The following UACA variants were observed in gnomAD, a reference collection of about 807,000 sequenced individuals.
UACA encodes nuclear membrane binding protein.
A neutral mutation model predicts 160.5 loss-of-function variants in UACA; 112 were observed. That is an observed-to-expected ratio of 0.70 (90% CI 0.60 to 0.82). The LOEUF (loss-of-function observed/expected upper bound fraction) is 0.82. UACA is among the 40% of genes least tolerant of loss of function. UACA has a pLI of 0.00. For synonymous variants in UACA, 557 were observed against 568.4 expected (o/e 0.98, Z 0.29); for missense variants, 1,574 against 1,614.6 (o/e 0.97, Z 0.43).
chr15:70,777,291 A>T, the UACA span, among the ~76,000 whole-genome samples: 1 of 152,190 alleles, frequency 6.6e-6, no homozygotes, highest in Non-Finnish European at 1.5e-5. Flanking sequence ...GTTTATTATG[A>T]GATGTCTATT....
the UACA span, among the ~76,000 whole-genome samples, chr15:70,775,819 A>G: frequency 0.18 from 27,540 of 152,144 alleles, 3,795 homozygotes; most frequent in African/African-American, 0.39. Flanking sequence ...AGAAGTTGGT[A>G]TTGATTTATT....
intron 1 of UACA, among the ~76,000 whole-genome samples, chr15:70,743,895 T>C (rs1427280478): frequency 6.6e-6 from 1 of 151,936 alleles, no homozygotes; most frequent in Admixed American, 6.6e-5. Context: ...AAAAGGTAAA[T>C]AGGCCAAATG....
chr15:70,739,353 A>G lies in UACA; in HGVS notation c.78+23977T>C, dbSNP rs554025411. Among the ~76,000 whole-genome samples, 3 of 152,252 alleles carry G rather than the reference A, an allele frequency of 2.0e-5. No homozygotes were observed. In the East Asian group the frequency reaches 5.8e-4, roughly 29 times the overall value. On this transcript the variant is annotated intron_variant, in intron 1 of 18. Coordinates refer to ENST00000322954, the MANE Select transcript of UACA (RefSeq NM_018003.4). ...AATACCCATGGCACCTCCCCACTAG[A>G]TACTAGCAATACTCCTCAAGCTTAA...
intron 1 of UACA, among the ~76,000 whole-genome samples, chr15:70,701,048 AAATG>A (rs1278457945): frequency 2.0e-5 from 3 of 152,188 alleles, no homozygotes; most frequent in Non-Finnish European, 2.9e-5. Context: ...TTGATGTAGA[AAATG>A]AATATGAAAA....
intron 1 of UACA, among the ~76,000 whole-genome samples, chr15:70,726,200 G>C (rs2140992102): frequency 6.6e-6 from 1 of 152,064 alleles, no homozygotes; most frequent in Admixed American, 6.6e-5. Flanking sequence ...ATACATCAGT[G>C]AACTTTCAGG....
At chr15:70,735,046 T>C (rs1242532542) in intron 1 of UACA, among the ~76,000 whole-genome samples, 4 of 25,080 alleles carry the variant, frequency 1.6e-4, no homozygotes, top group Non-Finnish European at 2.9e-4. Context: ...TACCTAATGC[T>C]AGATGACACA....
At chr15:70,672,964 C>A (rs957391819) in intron 13 of UACA, among the ~76,000 whole-genome samples, 7 of 152,010 alleles carry the variant, frequency 4.6e-5, no homozygotes, top group Non-Finnish European at 1.0e-4. Context: ...GGTGTGGTGG[C>A]GGGCACCTGT....
intron 1 of UACA, among the ~76,000 whole-genome samples, chr15:70,738,300 T>C (rs532623684): frequency 6.6e-6 from 1 of 151,876 alleles, no homozygotes; most frequent in South Asian, 2.1e-4. Context: ...CCCCTACAGT[T>C]TATTCTCCAC....
At chr15:70,715,406 TA>T (rs1898794093) in intron 1 of UACA, among the ~76,000 whole-genome samples, 1 of 152,206 alleles carries the variant, frequency 6.6e-6, no homozygotes, top group African/African-American at 2.4e-5. Flanking sequence ...AAACAAAAGA[TA>T]TTTTTGTACC....
intron 18 of UACA, among the ~76,000 whole-genome samples, chr15:70,657,341 T>C (rs1267437098): frequency 6.6e-6 from 1 of 152,208 alleles, no homozygotes; most frequent in Non-Finnish European, 1.5e-5. Flanking sequence ...CCGGGCGTGG[T>C]GGCTCACGCC....
Position 70,669,458 on chromosome 15 carries a change from G to A in UACA, c.1226C>T (p.Thr409Ile). The A allele has an allele frequency of 6.5e-7, 1 of 1,537,532 alleles. No individual in the cohort carries two copies. Among genetic ancestry groups the A allele is most frequent in the Non-Finnish European group, 8.7e-7 (1 of 1,147,356 alleles). The change falls in exon 16 of 19, where the codon ACT (threonine) becomes ATT (isoleucine). Residue 409 changes from threonine (T) to isoleucine (I), a missense_variant. Transcript: ENST00000322954. Reference sequence around the variant, plus strand: ...CATATGGGCTGGTATACCTGGGGAAGTACACTGAAAAGAAAAAAAAAAAGA... The same window carrying A: ...CATATGGGCTGGTATACCTGGGGAAATACACTGAAAAGAAAAAAAAAAAGA... Reference protein sequence around the residue: ...GQMYMADSQCTSPGIPAHMQS... With the variant: ...GQMYMADSQCISPGIPAHMQS...
intron 14 of UACA, chr15:70,671,687 G>T (rs1047733287): frequency 8.2e-6 from 2 of 243,236 alleles, no homozygotes; most frequent in Non-Finnish European, 7.8e-6. Flanking sequence ...CAAGACAAAT[G>T]TCTATGTCTA....
chr15:70,719,468 C>A (rs1256833131), intron 1 of UACA, among the ~76,000 whole-genome samples: 2 of 152,172 alleles, frequency 1.3e-5, no homozygotes, highest in African/African-American at 4.8e-5. Context: ...CTCAAGATAC[C>A]TGTACTGAAA....
At chr15:70,674,352 G>A (rs965082436) in intron 13 of UACA, among the ~76,000 whole-genome samples, 2 of 152,154 alleles carry the variant, frequency 1.3e-5, no homozygotes, top group Non-Finnish European at 2.9e-5. Context: ...TGTACTATAT[G>A]ATCCCACCTG....
chr15:70,672,357 A>G (rs1053680703), intron 13 of UACA, among the ~76,000 whole-genome samples: 1 of 152,208 alleles, frequency 6.6e-6, no homozygotes, highest in African/African-American at 2.4e-5. Flanking sequence ...GGCCACATTC[A>G]TGTCAATAAC....
intron 1 of UACA, among the ~76,000 whole-genome samples, chr15:70,727,927 G>A (rs1032296595): frequency 3.9e-5 from 6 of 152,166 alleles, no homozygotes; most frequent in South Asian, 2.1e-4. Flanking sequence ...TCACAGAGCA[G>A]CTCAAAGTGT....
At chr15:70,700,077 A>C (rs945465991) in intron 1 of UACA, among the ~76,000 whole-genome samples, 3 of 151,988 alleles carry the variant, frequency 2.0e-5, no homozygotes, top group African/African-American at 7.2e-5. Flanking sequence ...TAAATGTCTT[A>C]AGTGTTCAAA....
intron 1 of UACA, among the ~76,000 whole-genome samples, chr15:70,719,745 G>A (rs1463338398): frequency 1.3e-5 from 2 of 152,024 alleles, no homozygotes; most frequent in African/African-American, 4.8e-5. Flanking sequence ...AGACAAGAAT[G>A]ATATATTAAA....
intron 4 of UACA, 23 bp downstream of exon 4, chr15:70,691,276 A>C: frequency 2.0e-6 from 3 of 1,530,220 alleles, no homozygotes; most frequent in Non-Finnish European, 2.7e-6. Flanking sequence ...TAATAAAGCT[A>C]AAGTATTAAC....
Sources: gnomAD v4.1 joint callset for allele counts (sites outside exome capture counted in the v4.1 genomes callset) on GRCh38, gnomAD v4.1.1 for gene constraint, MANE v1.5 for transcripts, NCBI Gene and HGNC (gene_info 2026-07-23, HGNC 2026-07-21) for gene names.